MYT1L: variants seen among roughly 807,000 people sequenced by gnomAD.
MYT1L encodes the protein myelin transcription factor 1 like.
Under a neutral mutation model 126.7 loss-of-function variants are expected in MYT1L, and 12 were observed. The observed-to-expected ratio is 0.09, with a 90% CI of 0.06 to 0.15. MYT1L has a LOEUF of 0.15. Among genes scored for constraint, MYT1L ranks in the 10% least tolerant of loss-of-function variants. The pLI is 1.00. For synonymous variants in MYT1L, 541 were observed against 604.2 expected, an observed-to-expected ratio of 0.90 and a Z score of 1.53; for missense variants, 979 against 1,585.2, an observed-to-expected ratio of 0.62 and a Z score of 6.49.
intron 3 of MYT1L, among the ~76,000 whole-genome samples, chr2:2,107,317 G>T (rs2078870112): frequency 6.6e-6 from 1 of 152,208 alleles, no homozygotes; most frequent in Non-Finnish European, 1.5e-5. Context: ...CTGGCCCACA[G>T]CCGACCTTTG....
At chr2:1,855,990 G>A (rs967038146) in intron 18 of MYT1L, among the ~76,000 whole-genome samples, 2 of 152,106 alleles carry the variant, frequency 1.3e-5, no homozygotes, top group East Asian at 1.9e-4. Context: ...AGACATTTAC[G>A]AGTGGTGATG....
chr2:2,275,492 G>T (rs945553448), intron 2 of MYT1L, among the ~76,000 whole-genome samples: 1 of 152,016 alleles, frequency 6.6e-6, no homozygotes, highest in African/African-American at 2.4e-5. Flanking sequence ...TGGGCGATTT[G>T]GATGCTGTTG....
chr2:2,222,281 G>C (rs2093896154), intron 2 of MYT1L, among the ~76,000 whole-genome samples: 2 of 152,108 alleles, frequency 1.3e-5, no homozygotes, highest in South Asian at 4.1e-4. Flanking sequence ...GATCACCTGA[G>C]GTCAGGAGTT....
intron 15 of MYT1L, 107 bp downstream of exon 15, chr2:1,891,930 G>A: frequency 1.4e-6 from 2 of 1,430,018 alleles, no homozygotes; most frequent in East Asian, 2.6e-5. Context: ...AGATCACGGC[G>A]TTTGCCCCAT....
chr2:2,021,051 T>A (rs2064981877), intron 4 of MYT1L, among the ~76,000 whole-genome samples: 1 of 152,138 alleles, frequency 6.6e-6, no homozygotes, highest in Non-Finnish European at 1.5e-5. Flanking sequence ...GGCAGACACC[T>A]GAGAAGAGAA....
intron 3 of MYT1L, among the ~76,000 whole-genome samples, chr2:2,148,850 T>C (rs560058462): frequency 6.6e-6 from 1 of 152,292 alleles, no homozygotes; most frequent in East Asian, 1.9e-4. Flanking sequence ...GATTATTTTA[T>C]TATGGAATTC....
chr2:2,135,067 C>A (rs1031538277), intron 3 of MYT1L, among the ~76,000 whole-genome samples: 8 of 152,178 alleles, frequency 5.3e-5, no homozygotes, highest in Non-Finnish European at 1.0e-4. Flanking sequence ...GCTCCCTGCT[C>A]CCTCACTGGT....
intron 21 of MYT1L, among the ~76,000 whole-genome samples, chr2:1,815,099 C>T (rs1165065963): frequency 6.6e-6 from 1 of 152,188 alleles, no homozygotes; most frequent in African/African-American, 2.4e-5. Flanking sequence ...TAAACCAGAA[C>T]CATGAAAGGC....
chr2:2,014,065 C>T (rs535155518), intron 4 of MYT1L, among the ~76,000 whole-genome samples: 8 of 152,306 alleles, frequency 5.3e-5, no homozygotes, highest in African/African-American at 1.9e-4. Context: ...CAACTAACTG[C>T]TAAGGAAGAA....
chr2:2,183,921 A>G (rs1174052411), intron 2 of MYT1L, among the ~76,000 whole-genome samples: 5 of 144,776 alleles, frequency 3.5e-5, no homozygotes, highest in Non-Finnish European at 7.7e-5. Flanking sequence ...GGAAGGAGAG[A>G]GAGGAAGGAA....
intron 2 of MYT1L, among the ~76,000 whole-genome samples, chr2:2,217,621 A>G (rs2093713957): frequency 6.7e-6 from 1 of 149,624 alleles, no homozygotes; most frequent in South Asian, 2.1e-4. Context: ...GAGTGAGCTG[A>G]GATCACACCA....
chr2:2,262,400 C>A (rs1008933924), intron 2 of MYT1L, among the ~76,000 whole-genome samples: 69 of 150,602 alleles, frequency 4.6e-4, no homozygotes, highest in East Asian at 1.2e-3. Flanking sequence ...CAAAAAAAAA[C>A]CAAATAATTA....
chr2:2,047,956 A>T (rs1208317605), intron 4 of MYT1L, among the ~76,000 whole-genome samples: 1 of 152,168 alleles, frequency 6.6e-6, no homozygotes, highest in Non-Finnish European at 1.5e-5. Flanking sequence ...TAGAAGAAAA[A>T]TTGTCTCCAG....
At chr2:2,088,386 G>A (rs2076568054) in intron 3 of MYT1L, among the ~76,000 whole-genome samples, 1 of 152,192 alleles carries the variant, frequency 6.6e-6, no homozygotes, top group African/African-American at 2.4e-5. Context: ...TATCTCAAGA[G>A]ACAGTGTTCT....
At chr2:1,864,670 C>T (rs1282354589) in intron 18 of MYT1L, among the ~76,000 whole-genome samples, 3 of 152,192 alleles carry the variant, frequency 2.0e-5, no homozygotes, top group Admixed American at 6.5e-5. Flanking sequence ...ATGGGAGGCA[C>T]GGGTGCCCCT....
intron 4 of MYT1L, among the ~76,000 whole-genome samples, chr2:2,032,337 G>A (rs2066410561): frequency 8.9e-6 from 1 of 112,412 alleles, no homozygotes. Flanking sequence ...ATTCTAGAAG[G>A]AGGGCCTTAT....
At chr2:2,248,830 T>C (rs2094582450) in intron 2 of MYT1L, among the ~76,000 whole-genome samples, 1 of 152,172 alleles carries the variant, frequency 6.6e-6, no homozygotes, top group South Asian at 2.1e-4. Context: ...CATCGCTTTA[T>C]GATAAAATCC....
chr2:2,162,521 G>A (rs1266875086), intron 3 of MYT1L, among the ~76,000 whole-genome samples: 2 of 152,178 alleles, frequency 1.3e-5, no homozygotes, highest in Non-Finnish European at 2.9e-5. Context: ...CTCTTCCTGG[G>A]CACACAGGAT....
intron 2 of MYT1L, among the ~76,000 whole-genome samples, chr2:2,236,098 C>A (rs1479155998): frequency 6.6e-6 from 1 of 151,794 alleles, no homozygotes; most frequent in Admixed American, 6.6e-5. Context: ...ATGTCACAAC[C>A]CAACCCAGTA....
Sources: gnomAD v4.1 joint callset for allele counts (sites outside exome capture counted in the v4.1 genomes callset) on GRCh38, gnomAD v4.1.1 for gene constraint, MANE v1.5 for transcripts, NCBI Gene and HGNC (gene_info 2026-07-23, HGNC 2026-07-21) for gene names.